Variants in PIEZO2 observed in about 807,000 individuals in gnomAD.
PIEZO2 encodes piezo type mechanosensitive ion channel component 2.
In PIEZO2, 172 loss-of-function variants were observed where a neutral mutation model predicts 337.3. The observed-to-expected ratio is 0.51, with a 90% CI of 0.45 to 0.58. The LOEUF (loss-of-function observed/expected upper bound fraction) is 0.58, where lower values mean the gene tolerates loss of function less well. Among genes scored for constraint, PIEZO2 ranks in the 20% least tolerant of loss-of-function variants. PIEZO2 has a pLI of 0.00. For missense variants in PIEZO2, 3,028 were observed against 3,391.3 expected, an observed-to-expected ratio of 0.89 and a Z score of 2.66; for synonymous variants, 1,251 against 1,228.5, an observed-to-expected ratio of 1.02 and a Z score of -0.38.
chr18:11,072,977 T>G (rs4797500), intron 1 of PIEZO2, among the ~76,000 whole-genome samples: 1 of 152,104 alleles, frequency 6.6e-6, no homozygotes, highest in Non-Finnish European at 1.5e-5. Context: ...CATGATGGCA[T>G]ATGCTCTGTA....
chr18:10,787,652 T>C (rs954190790), intron 15 of PIEZO2, among the ~76,000 whole-genome samples: 3 of 152,268 alleles, frequency 2.0e-5, no homozygotes, highest in Non-Finnish European at 4.4e-5. Context: ...TACCGTAAGC[T>C]GTGGATATTC....
intron 33 of PIEZO2, among the ~76,000 whole-genome samples, 163 bp from the exon 34 acceptor site, chr18:10,736,873 C>G (rs554848403): frequency 2.6e-4 from 40 of 152,232 alleles, no homozygotes; most frequent in African/African-American, 9.4e-4. Flanking sequence ...AACTCATCTT[C>G]GGCTAATGCT....
chr18:10,973,157 AAG>A lies in PIEZO2; in HGVS notation c.286+6376_286+6377del, dbSNP rs1399310957. ...AAGTGAGCATCCATATCTATTACTA[AAG>A]GTGAATCAAAATATCAACACGGCAT... On this transcript the variant is annotated intron_variant, in intron 3 of 55. Coordinates refer to ENST00000674853, the MANE Select transcript of PIEZO2 (RefSeq NM_001378183.1). The surrounding 1 kb of genome is among the most constrained non-coding windows in gnomAD (Gnocchi z 4.9). Among the ~76,000 whole-genome samples, 3 of 151,944 alleles carry A rather than the reference AAG, an allele frequency of 2.0e-5. No homozygotes were observed. The highest frequency in any genetic ancestry group is 2.9e-5 in the Non-Finnish European group (2 of 68,012).
chr18:10,793,299 A>T (rs2144193799), intron 13 of PIEZO2, among the ~76,000 whole-genome samples: 1 of 152,288 alleles, frequency 6.6e-6, no homozygotes, highest in African/African-American at 2.4e-5. Context: ...TTGTAATAGA[A>T]ATGTTATAAG....
rs1472382550 is a variant in PIEZO2, at chr18:10,962,814, T to A, written c.286+16721A>T. ...GGCCCTTTCCAGTGATCACATACTA[T>A]GAGCCCATGCTAGCAATGTGAGGGA... On this transcript the variant is annotated intron_variant, in intron 3 of 55. Transcript: ENST00000674853. The surrounding 1 kb of genome is among the most constrained non-coding windows in gnomAD (Gnocchi z 4.1). Among the ~76,000 whole-genome samples, 1 of 152,188 alleles carries A rather than the reference T, an allele frequency of 6.6e-6. No homozygotes were observed. The highest frequency in any genetic ancestry group is 1.5e-5 in the Non-Finnish European group (1 of 68,042).
chr18:11,011,559 T>G (rs1411461629), intron 2 of PIEZO2, among the ~76,000 whole-genome samples: 1 of 152,240 alleles, frequency 6.6e-6, no homozygotes, highest in Non-Finnish European at 1.5e-5. Flanking sequence ...ATAATATTGC[T>G]TTAATATTCT....
chr18:10,958,838 C>T (rs1374653790), intron 3 of PIEZO2, among the ~76,000 whole-genome samples: 1 of 152,040 alleles, frequency 6.6e-6, no homozygotes, highest in Non-Finnish European at 1.5e-5. Context: ...AATTTGGCCA[C>T]TTTGATATAA....
chr18:10,907,295 T>C (rs2030030159), intron 4 of PIEZO2, among the ~76,000 whole-genome samples: 1 of 151,886 alleles, frequency 6.6e-6, no homozygotes, highest in Non-Finnish European at 1.5e-5. Flanking sequence ...ATACAAAAAT[T>C]AGCTGGGTGT....
At position 10,677,130 on chromosome 18, in the gene PIEZO2, G is replaced by C. The variant is rs924565146; in HGVS notation, c.8081+617C>G. On this transcript the variant is annotated intron_variant, in intron 53 of 55. Transcript: ENST00000674853. This position sits in a 1 kb window ranked among gnomAD's most constrained non-coding sequence, Gnocchi z 4.1. Reference sequence around the variant, plus strand: ...TGGAAGAATAATGTCTGTCTCAATGGAAGCCCCAGCGGGCCAGCACTTTCC... The same window carrying C: ...TGGAAGAATAATGTCTGTCTCAATGCAAGCCCCAGCGGGCCAGCACTTTCC... 7.2e-5 allele frequency among the ~76,000 whole-genome samples: 11 copies of C among 152,158 alleles called. No homozygotes were observed. The highest frequency in any genetic ancestry group is 2.2e-4 in the African/African-American group (9 of 41,420).
In PIEZO2 at chr18:11,001,766, C is replaced by G. The variant is rs376326757; in HGVS notation, c.161-22106G>C. 9.9e-5 allele frequency among the ~76,000 whole-genome samples: 15 copies of G among 151,986 alleles called. No homozygotes were observed. In the South Asian group the frequency reaches 2.5e-3, roughly 25 times the overall value. On this transcript the variant is annotated intron_variant, in intron 2 of 55. Transcript: ENST00000674853. The surrounding 1 kb of genome is among the most constrained non-coding windows in gnomAD (Gnocchi z 5.3). The stretch of plus-strand genomic sequence containing the variant: ...AGTGGCTCACACCTGTAACCCCAGC[C>G]ACTCGGGAGGCTGAGGCATGAGAAT...
chr18:10,901,639 G>C (rs2043051627), intron 4 of PIEZO2, among the ~76,000 whole-genome samples: 1 of 152,178 alleles, frequency 6.6e-6, no homozygotes, highest in African/African-American at 2.4e-5. Flanking sequence ...CCATAAACTA[G>C]TGTGGTGCCA....
chr18:10,731,215 A>ATATGTATATATATCTATC (rs1290190163), intron 36 of PIEZO2, among the ~76,000 whole-genome samples, 192 bp downstream of exon 36: 4 of 128,722 alleles, frequency 3.1e-5, no homozygotes, highest in African/African-American at 1.2e-4. Flanking sequence ...ATATATATAT[A>ATATGTATATATATCTATC]TATCTCCTAA....
chr18:10,961,976 G>C (rs777403791), intron 3 of PIEZO2, among the ~76,000 whole-genome samples: 3 of 152,082 alleles, frequency 2.0e-5, no homozygotes, highest in Non-Finnish European at 2.9e-5. Flanking sequence ...GCTTTCCCTG[G>C]AGGGTGTGTA....
At chr18:10,949,426 G>A (rs372395422) in intron 3 of PIEZO2, among the ~76,000 whole-genome samples, 12 of 152,254 alleles carry the variant, frequency 7.9e-5, no homozygotes, top group East Asian at 3.9e-4. Context: ...AACATTCTTC[G>A]TAGGCATCCT....
At chr18:10,804,715 C>G (rs1263456222) in intron 8 of PIEZO2, among the ~76,000 whole-genome samples, 1 of 152,176 alleles carries the variant, frequency 6.6e-6, no homozygotes, top group Non-Finnish European at 1.5e-5. Flanking sequence ...ACACTGAAGT[C>G]TCGACACTGA....
chr18:10,743,637 C>A (rs866287961), intron 31 of PIEZO2, among the ~76,000 whole-genome samples: 9 of 152,238 alleles, frequency 5.9e-5, no homozygotes, highest in African/African-American at 2.2e-4. Context: ...CAGTTTCTTT[C>A]CAAAGAGACT....
intron 1 of PIEZO2, among the ~76,000 whole-genome samples, chr18:11,072,495 C>T (rs924493514): frequency 1.3e-5 from 2 of 152,148 alleles, no homozygotes; most frequent in African/African-American, 2.4e-5. Context: ...AAGTCGCTCA[C>T]ATGATTGTAC....
intron 21 of PIEZO2, among the ~76,000 whole-genome samples, chr18:10,764,320 A>G (rs2038263235): frequency 6.6e-6 from 1 of 152,204 alleles, no homozygotes; most frequent in Admixed American, 6.5e-5. Flanking sequence ...GCTCTAAAAG[A>G]CATAGTTACC....
At chr18:10,871,907 A>C (rs193197095) in intron 4 of PIEZO2, among the ~76,000 whole-genome samples, 13 of 152,290 alleles carry the variant, frequency 8.5e-5, no homozygotes, top group African/African-American at 2.6e-4. Flanking sequence ...TGTTCCAAGA[A>C]AGGTGGATCC....
Sources: allele counts gnomAD v4.1 joint callset (sites outside exome capture counted in the v4.1 genomes callset), GRCh38; gene constraint gnomAD v4.1.1; non-coding constraint Gnocchi (gnomAD v3.1); transcripts MANE v1.5; gene names NCBI Gene and HGNC (gene_info 2026-07-23, HGNC 2026-07-21).